Variants in CTCF observed in about 807,000 individuals in gnomAD.
CTCF encodes the protein transcriptional repressor CTCF.
A neutral mutation model predicts 72.3 loss-of-function variants in CTCF; 7 were observed. The ratio of observed to expected loss-of-function variants is 0.10; its 90% CI spans 0.06 to 0.18. The LOEUF (loss-of-function observed/expected upper bound fraction) is 0.18, where lower values mean the gene tolerates loss of function less well. CTCF is among the 10% of genes least tolerant of loss of function. The pLI is 1.00. For synonymous variants in CTCF, 374 were observed against 315.8 expected (o/e 1.18, Z -1.95); for missense variants, 516 against 949.1 (o/e 0.54, Z 6.00).
At chr16:67,617,293 A>G (rs1402138542) in intron 5 of CTCF, among the ~76,000 whole-genome samples, 1 of 152,088 alleles carries the variant, frequency 6.6e-6, no homozygotes, top group African/African-American at 2.4e-5. Flanking sequence ...AGGTCAGGAG[A>G]TTGAGACCAT....
intron 2 of CTCF, among the ~76,000 whole-genome samples, chr16:67,581,984 G>C (rs998136275): frequency 6.6e-6 from 1 of 152,038 alleles, no homozygotes; most frequent in African/African-American, 2.4e-5. Context: ...AGCACTTTGG[G>C]AGGCCGAGGC....
chr16:67,577,666 C>T lies in CTCF; in HGVS notation c.-10+6402C>T, dbSNP rs190086571. Among the ~76,000 whole-genome samples the T allele has an allele frequency of 6.4e-4, 97 of 151,766 alleles. 2 individuals carry two copies. In the East Asian group the frequency reaches 0.017, roughly 27 times the overall value. On this transcript the variant is annotated intron_variant, in intron 2 of 11. Coordinates refer to ENST00000264010, the MANE Select transcript of CTCF (RefSeq NM_006565.4). ...TTCACTGTGTTAGCCAGGATGGTCTCATCATCTCCTGACCTTGTGATCCGT... is the reference window on the plus strand; with the variant it reads ...TTCACTGTGTTAGCCAGGATGGTCTTATCATCTCCTGACCTTGTGATCCGT...
intron 2 of CTCF, among the ~76,000 whole-genome samples, chr16:67,577,113 CTT>C (rs1478242965): frequency 2.0e-5 from 3 of 151,942 alleles, no homozygotes; most frequent in Admixed American, 6.6e-5. Context: ...AGCACTGAAA[CTT>C]TCTGATAAAG....
At chr16:67,562,851 C>T (rs1352219753) in intron 1 of CTCF, 127 bp downstream of exon 1, 1 of 149,900 alleles carries the variant, frequency 6.7e-6, no homozygotes, top group Non-Finnish European at 1.5e-5. Context: ...TCTCCCTCTA[C>T]CGTCCCTGCT....
chr16:67,591,050 T>C (rs950562989), intron 2 of CTCF, among the ~76,000 whole-genome samples: 1 of 151,266 alleles, frequency 6.6e-6, no homozygotes, highest in Non-Finnish European at 1.5e-5. Flanking sequence ...CCCAGCACTT[T>C]GGGAGGCCGA....
intron 6 of CTCF, chr16:67,621,154 A>C: frequency 2.7e-6 from 1 of 365,334 alleles, no homozygotes; most frequent in Non-Finnish European, 4.9e-6. Context: ...GTCTTTTCCT[A>C]AAAAGAAAAA....
intron 5 of CTCF, among the ~76,000 whole-genome samples, chr16:67,619,829 C>T (rs191918393): frequency 3.3e-5 from 5 of 152,192 alleles, no homozygotes; most frequent in Admixed American, 1.3e-4. Flanking sequence ...AGCAATCGCA[C>T]GCCTTGGGCC....
At chr16:67,587,919 G>T (rs934344840) in intron 2 of CTCF, among the ~76,000 whole-genome samples, 1 of 152,042 alleles carries the variant, frequency 6.6e-6, no homozygotes, top group African/African-American at 2.4e-5. Context: ...ATGCAGTGGC[G>T]TAATCTTGGC....
chr16:67,625,670 C>T (rs2052273309), intron 7 of CTCF, among the ~76,000 whole-genome samples: 1 of 152,142 alleles, frequency 6.6e-6, no homozygotes, highest in South Asian at 2.1e-4. Context: ...CATTTATATT[C>T]CTACTCCAGA....
chr16:67,638,029 A>G lies in CTCF; in HGVS notation c.*157A>G. 1 of 656,106 alleles carries G rather than the reference A, an allele frequency of 1.5e-6. No homozygotes were observed. The highest frequency in any genetic ancestry group is 2.5e-6 in the Non-Finnish European group (1 of 398,668). The allele number at this position is 656,106 out of a possible 1,614,324, so 40.6% of individuals were successfully genotyped here. On this transcript the variant is annotated 3_prime_UTR_variant, in exon 12 of 12. Coordinates refer to ENST00000264010, the MANE Select transcript of CTCF (RefSeq NM_006565.4). ...ACTTCAAGGATGATGTTAGAAAAAA[A>G]TGTGATTTAACTAGAACTTGCTGTC...
intron 1 of CTCF, among the ~76,000 whole-genome samples, chr16:67,565,105 A>G (rs2051325676): frequency 6.6e-6 from 1 of 151,614 alleles, no homozygotes; most frequent in Admixed American, 6.6e-5. Context: ...GGATTCAAGC[A>G]ATTCTCCTGT....
intron 7 of CTCF, among the ~76,000 whole-genome samples, chr16:67,624,228 C>A (rs1597723508): frequency 6.6e-6 from 1 of 151,282 alleles, no homozygotes; most frequent in Non-Finnish European, 1.5e-5. Context: ...AGGTTTAACT[C>A]TTCTCTCCTT....
At chr16:67,566,766 A>G (rs564100944) in intron 1 of CTCF, among the ~76,000 whole-genome samples, 7 of 151,974 alleles carry the variant, frequency 4.6e-5, no homozygotes, top group African/African-American at 1.7e-4. Context: ...TTTTTAGTAG[A>G]GACGGGGTTT....
At chr16:67,634,688 C>T (rs1359871815) in intron 10 of CTCF, among the ~76,000 whole-genome samples, 1 of 150,684 alleles carries the variant, frequency 6.6e-6, no homozygotes, top group Non-Finnish European at 1.5e-5. Context: ...CTGCTAATTT[C>T]TTCCTTTTTT....
chr16:67,594,374 A>G (rs893686720), intron 2 of CTCF, among the ~76,000 whole-genome samples: 1 of 144,998 alleles, frequency 6.9e-6, no homozygotes, highest in Non-Finnish European at 1.5e-5. Context: ...ACAGGGTGGG[A>G]CCCTGTCTCA....
At chr16:67,624,109 G>GTGTGTGTA (rs1208459112) in intron 7 of CTCF, among the ~76,000 whole-genome samples, 1 of 136,152 alleles carries the variant, frequency 7.3e-6, no homozygotes, top group Non-Finnish European at 1.5e-5. Flanking sequence ...GTGTGTGTGT[G>GTGTGTGTA]TGTGTGTATG....
rs1032889174 is a variant in CTCF, at chr16:67,638,125, C to A, written c.*253C>A. 6.9e-5 allele frequency: 28 copies of A among 405,610 alleles called. No homozygotes were observed. Among genetic ancestry groups the A allele is most frequent in the Non-Finnish European group, 2.2e-5 (5 of 227,398 alleles). The allele number at this position is 405,610 out of a possible 1,614,324, so 25.1% of individuals were successfully genotyped here. On this transcript the variant is annotated 3_prime_UTR_variant, in exon 12 of 12. Transcript: ENST00000264010. Reference sequence around the variant, plus strand: ...TGTGAAGTGCTGAGGACAGTGTTGACAACTAACTCGTTTTCCTAGATGGAA... The same window carrying A: ...TGTGAAGTGCTGAGGACAGTGTTGAAAACTAACTCGTTTTCCTAGATGGAA...
intron 11 of CTCF, 118 bp from the exon 12 acceptor site, chr16:67,637,570 G>T (rs1053201952): frequency 5.3e-6 from 4 of 758,384 alleles, no homozygotes; most frequent in Non-Finnish European, 8.7e-6. Flanking sequence ...TCTCTGGACC[G>T]CTATCTAATA....
rs560002527 is a variant in CTCF, at chr16:67,624,047, C to CA, written c.1357+2473dup. 8.0e-3 allele frequency among the ~76,000 whole-genome samples: 625 copies of CA among 77,720 alleles called. 4 individuals are homozygous for CA. Among genetic ancestry groups the CA allele is most frequent in the East Asian group, 0.014 (34 of 2,442 alleles). The allele number at this position is 77,720 out of a possible 152,430, so 51.0% of individuals were successfully genotyped here. A position where few individuals can be genotyped will look rare whatever the true frequency, so the allele number is the denominator to read the frequency against. On this transcript the variant is annotated intron_variant, in intron 7 of 11. Transcript: ENST00000264010. ...TGGGCAAGAGAGTGAGACACTGTCT[C>CA]AAAAAAAAAAAAAAAAATTATATAT...
Sources: allele counts gnomAD v4.1 joint callset (sites outside exome capture counted in the v4.1 genomes callset), GRCh38; gene constraint gnomAD v4.1.1; transcripts MANE v1.5; gene names NCBI Gene and HGNC (gene_info 2026-07-23, HGNC 2026-07-21).